DSCAM: variants seen among roughly 807,000 people sequenced by gnomAD.
DSCAM encodes the protein DS cell adhesion molecule.
Under a neutral mutation model 217.7 loss-of-function variants are expected in DSCAM, and 47 were observed. That is an observed-to-expected ratio of 0.22 (90% CI 0.17 to 0.28). The LOEUF (loss-of-function observed/expected upper bound fraction) is 0.28, where lower values mean the gene tolerates loss of function less well. Among genes scored for constraint, DSCAM ranks in the 10% least tolerant of loss-of-function variants. The pLI is 1.00. For missense variants in DSCAM, 2,080 were observed against 2,618.3 expected (o/e 0.79, Z 4.49); for synonymous variants, 1,056 against 1,015.3 (o/e 1.04, Z -0.76).
At chr21:40,511,618 A>C (rs2076257635) in intron 3 of DSCAM, among the ~76,000 whole-genome samples, 1 of 152,136 alleles carries the variant, frequency 6.6e-6, no homozygotes, top group Non-Finnish European at 1.5e-5. Flanking sequence ...TTATAGAGTA[A>C]AGTTACAACC....
chr21:40,556,801 C>T (rs1056738491), intron 3 of DSCAM, among the ~76,000 whole-genome samples: 1 of 152,158 alleles, frequency 6.6e-6, no homozygotes, highest in African/African-American at 2.4e-5. Flanking sequence ...TACTAGGCCC[C>T]ACCTCCAACA....
intron 11 of DSCAM, among the ~76,000 whole-genome samples, chr21:40,222,787 C>A (rs1458786708): frequency 1.3e-5 from 2 of 152,086 alleles, no homozygotes; most frequent in African/African-American, 4.8e-5. Context: ...CCCACAGAAA[C>A]AAAAGCCCTT....
At chr21:40,648,241 A>G (rs2089971976) in intron 3 of DSCAM, among the ~76,000 whole-genome samples, 1 of 137,428 alleles carries the variant, frequency 7.3e-6, no homozygotes, top group African/African-American at 2.7e-5. Context: ...AATTTCATAC[A>G]TATCCCTGTA....
At chr21:40,199,159 G>A (rs1007796040) in intron 11 of DSCAM, among the ~76,000 whole-genome samples, 2 of 152,182 alleles carry the variant, frequency 1.3e-5, no homozygotes, top group Admixed American at 1.3e-4. Flanking sequence ...AATGAGGGAA[G>A]TGACTAATCC....
chr21:40,730,838 A>G (rs944263759), intron 1 of DSCAM, among the ~76,000 whole-genome samples: 2 of 152,234 alleles, frequency 1.3e-5, no homozygotes, highest in African/African-American at 4.8e-5. Context: ...AACTTGCTCA[A>G]TGATTACTAA....
intron 3 of DSCAM, among the ~76,000 whole-genome samples, chr21:40,607,388 C>T (rs1393425450): frequency 6.6e-6 from 1 of 150,576 alleles, no homozygotes; most frequent in African/African-American, 2.5e-5. Context: ...CCTCATTCTC[C>T]CTTTAATTCT....
chr21:40,269,173 T>C (rs1262517036), intron 11 of DSCAM, among the ~76,000 whole-genome samples: 2 of 152,194 alleles, frequency 1.3e-5, no homozygotes, highest in Non-Finnish European at 2.9e-5. Flanking sequence ...CTGACCCACA[T>C]TGGCCTAGAC....
intron 3 of DSCAM, among the ~76,000 whole-genome samples, chr21:40,637,915 C>T (rs867676148): frequency 1.3e-5 from 2 of 151,644 alleles, no homozygotes; most frequent in Non-Finnish European, 2.9e-5. Flanking sequence ...AACTCCTGAC[C>T]TCAGGTGATC....
Position 40,673,654 on chromosome 21 carries a change from G to A in DSCAM, c.508+19156C>T, listed in dbSNP as rs117799787. Among the ~76,000 whole-genome samples the A allele has an allele frequency of 7.5e-3, 1,149 of 152,282 alleles. 7 individuals carry two copies. Among genetic ancestry groups the A allele is most frequent in the Non-Finnish European group, 0.013 (904 of 68,018 alleles). ...CTGGGGAGGTGATTAGATCATGGGG[G>A]TGGATTTCCCATGAATAGTTTAGCA... is the stretch of plus-strand genomic sequence containing the variant. On this transcript the variant is annotated intron_variant, in intron 3 of 32. Coordinates refer to ENST00000400454, the MANE Select transcript of DSCAM (RefSeq NM_001389.5).
chr21:40,637,004 C>T (rs1161933829), intron 3 of DSCAM, among the ~76,000 whole-genome samples: 1 of 147,144 alleles, frequency 6.8e-6, no homozygotes, highest in Non-Finnish European at 1.5e-5. Flanking sequence ...AAGACAGGAC[C>T]CCAAAGAGAG....
intron 10 of DSCAM, among the ~76,000 whole-genome samples, chr21:40,291,812 C>T (rs151209456): frequency 6.6e-6 from 1 of 152,326 alleles, no homozygotes; most frequent in East Asian, 1.9e-4. Context: ...ATTCCCACAA[C>T]CAAGTTTCCC....
At chr21:40,607,479 T>C (rs1317179974) in intron 3 of DSCAM, among the ~76,000 whole-genome samples, 1 of 151,880 alleles carries the variant, frequency 6.6e-6, no homozygotes, top group East Asian at 1.9e-4. Context: ...TATTCTTTCT[T>C]TAGGGGAAAA....
intron 1 of DSCAM, among the ~76,000 whole-genome samples, chr21:40,829,236 T>C (rs2091993862): frequency 6.6e-6 from 1 of 152,222 alleles, no homozygotes; most frequent in African/African-American, 2.4e-5. Context: ...AGTATTCACT[T>C]GATTCTTCGG....
chr21:40,489,516 T>C (rs113172474), intron 3 of DSCAM, among the ~76,000 whole-genome samples: 2,925 of 152,182 alleles, frequency 0.019, 93 homozygotes, highest in African/African-American at 0.066. Flanking sequence ...GGCTCACGCC[T>C]GTAATCCCAG....
chr21:40,732,468 T>C (rs1449354422), intron 1 of DSCAM, among the ~76,000 whole-genome samples: 1 of 152,226 alleles, frequency 6.6e-6, no homozygotes, highest in African/African-American at 2.4e-5. Flanking sequence ...ACAAGAAGAA[T>C]GCATGTTTCT....
chr21:40,626,108 G>A lies in DSCAM; in HGVS notation c.508+66702C>T, dbSNP rs548115921. Among the ~76,000 whole-genome samples the A allele has an allele frequency of 9.2e-5, 14 of 152,146 alleles. No homozygotes were observed. In the Middle Eastern group the frequency reaches 0.01, roughly 111 times the overall value. ...CCCAAAATAAAATTAATATAAGACCGATTCCTGATTTTTAGGAGGGAAGGC... is the reference window on the plus strand; with the variant it reads ...CCCAAAATAAAATTAATATAAGACCAATTCCTGATTTTTAGGAGGGAAGGC... On this transcript the variant is annotated intron_variant, in intron 3 of 32. Transcript: ENST00000400454.
chr21:40,746,348 A>C (rs1266147662), intron 1 of DSCAM, among the ~76,000 whole-genome samples: 1 of 147,678 alleles, frequency 6.8e-6, no homozygotes, highest in Non-Finnish European at 1.5e-5. Flanking sequence ...AAAGAGATGG[A>C]AAAAAGATAT....
At chr21:40,302,599 A>G (rs1166231220) in intron 9 of DSCAM, among the ~76,000 whole-genome samples, 1 of 152,198 alleles carries the variant, frequency 6.6e-6, no homozygotes, top group Non-Finnish European at 1.5e-5. Flanking sequence ...CACATCTCCA[A>G]GATGCAATAT....
At chr21:40,013,505 G>A (rs779222245) in intron 32 of DSCAM, 119 bp from the exon 33 acceptor site, 3 of 683,066 alleles carry the variant, frequency 4.4e-6, no homozygotes, top group Admixed American at 7.7e-5. Context: ...CTGCACACAG[G>A]TGCCTTTCTC....
Sources: allele counts gnomAD v4.1 joint callset (sites outside exome capture counted in the v4.1 genomes callset), GRCh38; gene constraint gnomAD v4.1.1; transcripts MANE v1.5; gene names NCBI Gene and HGNC (gene_info 2026-07-23, HGNC 2026-07-21).